ADAM12: variants seen among roughly 807,000 people sequenced by gnomAD.
The protein encoded by ADAM12 is ADAM metallopeptidase domain 12.
In ADAM12, 70 loss-of-function variants were observed where a neutral mutation model predicts 106.4. That is an observed-to-expected ratio of 0.66 (90% CI 0.54 to 0.80). The LOEUF is 0.80. ADAM12 is among the 30% of genes least tolerant of loss of function. The pLI is 0.00. For synonymous variants in ADAM12, 420 were observed against 433.5 expected (o/e 0.97, Z 0.39); for missense variants, 1,010 against 1,171.9 (o/e 0.86, Z 2.02).
intron 3 of ADAM12, among the ~76,000 whole-genome samples, chr10:126,222,114 G>A (rs1318562722): frequency 2.6e-5 from 4 of 152,158 alleles, no homozygotes; most frequent in Non-Finnish European, 4.4e-5. Context: ...GGCATTACAC[G>A]GAACCATGGG....
chr10:126,047,223 T>A (rs1369646271), intron 16 of ADAM12, among the ~76,000 whole-genome samples: 2 of 152,208 alleles, frequency 1.3e-5, no homozygotes, highest in African/African-American at 4.8e-5. Context: ...GGCAGAAGAA[T>A]TTTTAATCAA....
chr10:126,057,904 A>G (rs927372900), intron 14 of ADAM12, among the ~76,000 whole-genome samples: 2 of 152,212 alleles, frequency 1.3e-5, no homozygotes, highest in Non-Finnish European at 2.9e-5. Context: ...TCCATTTTTT[A>G]TAGTTAATTG....
At chr10:126,321,667 AAGAC>A (rs1483593263) in intron 2 of ADAM12, among the ~76,000 whole-genome samples, 9 of 152,200 alleles carry the variant, frequency 5.9e-5, no homozygotes, top group African/African-American at 2.2e-4. Flanking sequence ...CCTCGGAGGC[AAGAC>A]AGACAGGGAG....
intron 21 of ADAM12, among the ~76,000 whole-genome samples, chr10:126,031,316 C>G (rs1953967575): frequency 6.6e-6 from 1 of 152,210 alleles, no homozygotes; most frequent in Admixed American, 6.5e-5. Flanking sequence ...GACCTAATCC[C>G]CAGATTTCTA....
chr10:126,036,688 C>T (rs1020069075), intron 20 of ADAM12, among the ~76,000 whole-genome samples: 2 of 152,052 alleles, frequency 1.3e-5, no homozygotes, highest in Non-Finnish European at 2.9e-5. Flanking sequence ...TAAGATACAG[C>T]TTAATGTGTT....
chr10:126,264,624 A>C (rs754420862), intron 3 of ADAM12, among the ~76,000 whole-genome samples: 2 of 152,242 alleles, frequency 1.3e-5, no homozygotes, highest in South Asian at 4.1e-4. Context: ...TCCCTGAAGA[A>C]GTAGGGTTAG....
intron 21 of ADAM12, 86 bp from the exon 22 acceptor site, chr10:126,019,911 C>A (rs1164936084): frequency 1.4e-6 from 2 of 1,431,048 alleles, no homozygotes; most frequent in East Asian, 2.5e-5. Flanking sequence ...TTGGCACAGG[C>A]CCTGCTTCCT....
chr10:126,071,339 T>C, intron 12 of ADAM12, 138 bp downstream of exon 12: 1 of 1,021,574 alleles, frequency 9.8e-7, no homozygotes, highest in Non-Finnish European at 1.4e-6. Flanking sequence ...CGGGGCTTGT[T>C]CAGGATGGGC....
chr10:126,046,824 A>T (rs71490756), intron 16 of ADAM12, among the ~76,000 whole-genome samples: 1 of 151,066 alleles, frequency 6.6e-6, no homozygotes, highest in African/African-American at 2.4e-5. Flanking sequence ...AAAAAAAAAA[A>T]AAAGATATAG....
At chr10:126,023,536 C>T (rs1033805607) in intron 21 of ADAM12, among the ~76,000 whole-genome samples, 1 of 152,110 alleles carries the variant, frequency 6.6e-6, no homozygotes, top group Non-Finnish European at 1.5e-5. Context: ...ACCAAATGTC[C>T]AAGTTTAATG....
chr10:126,209,493 T>A (rs1412176479), intron 3 of ADAM12, among the ~76,000 whole-genome samples: 2 of 152,200 alleles, frequency 1.3e-5, no homozygotes, highest in Admixed American at 6.5e-5. Context: ...TGTCCTATTG[T>A]CACACAGAAT....
chr10:126,125,354 C>T (rs1398502944), intron 5 of ADAM12, among the ~76,000 whole-genome samples: 2 of 150,236 alleles, frequency 1.3e-5, no homozygotes, highest in Admixed American at 1.3e-4. Context: ...AAGGGATTCT[C>T]CTGCCTCAGC....
intron 8 of ADAM12, among the ~76,000 whole-genome samples, chr10:126,104,570 A>G (rs1020974878): frequency 1.3e-5 from 2 of 152,266 alleles, no homozygotes; most frequent in East Asian, 1.9e-4. Context: ...TAAGGAGGAC[A>G]GTCTGGAGGT....
At chr10:126,179,044 T>C (rs539043646) in intron 3 of ADAM12, among the ~76,000 whole-genome samples, 4 of 151,430 alleles carry the variant, frequency 2.6e-5, no homozygotes, top group East Asian at 3.9e-4. Context: ...GAGACTCTTA[T>C]CTTAAAAAAA....
At chr10:126,238,081 C>G (rs766502489) in intron 3 of ADAM12, among the ~76,000 whole-genome samples, 2 of 152,238 alleles carry the variant, frequency 1.3e-5, no homozygotes, top group Non-Finnish European at 2.9e-5. Flanking sequence ...AAAAAAAGAT[C>G]ATTAAAATGG....
intron 11 of ADAM12, among the ~76,000 whole-genome samples, chr10:126,083,372 C>T (rs1015192713): frequency 8.5e-5 from 13 of 152,228 alleles, no homozygotes; most frequent in Non-Finnish European, 8.8e-5. Context: ...CACACCGTCT[C>T]GAGGGCTATC....
intron 2 of ADAM12, among the ~76,000 whole-genome samples, chr10:126,296,576 A>AGT (rs1249229392): frequency 2.0e-5 from 3 of 152,226 alleles, no homozygotes; most frequent in Non-Finnish European, 2.9e-5. Context: ...GTTACAGACC[A>AGT]GCCTCTTTCT....
At chr10:126,342,680 T>C (rs139404234) in intron 1 of ADAM12, among the ~76,000 whole-genome samples, 5 of 152,346 alleles carry the variant, frequency 3.3e-5, no homozygotes, top group African/African-American at 1.2e-4. Context: ...TCCAATCCAG[T>C]ATCGGCTGGC....
chr10:126,041,729 T>A, intron 18 of ADAM12: 1 of 1,031,042 alleles, frequency 9.7e-7, no homozygotes, highest in Non-Finnish European at 1.2e-6. Context: ...CTGCCAAGGC[T>A]GAGGTGTCAC....
Sources: allele counts gnomAD v4.1 joint callset (sites outside exome capture counted in the v4.1 genomes callset), GRCh38; gene constraint gnomAD v4.1.1; transcripts MANE v1.5; gene names NCBI Gene and HGNC (gene_info 2026-07-23, HGNC 2026-07-21).